ATP8B4: variants seen among roughly 807,000 people sequenced by gnomAD.
ATP8B4 encodes the protein ATPase phospholipid transporting 8B4 (putative), also known as probable phospholipid-transporting ATPase IM.
ATP8B4 carries 133 observed loss-of-function variants against 145.6 expected under a neutral mutation model. That is an observed-to-expected ratio of 0.91 (90% CI 0.79 to 1.05). The LOEUF is 1.05. Among genes scored for constraint, ATP8B4 ranks in the 50% least tolerant of loss-of-function variants. The pLI, the probability that ATP8B4 is intolerant of heterozygous loss-of-function variation, is 0.00. For synonymous variants in ATP8B4, 507 were observed against 492.9 expected (o/e 1.03, Z -0.38); for missense variants, 1,458 against 1,425.2 (o/e 1.02, Z -0.37).
At chr15:50,003,096 A>C (rs2048025911) in intron 7 of ATP8B4, among the ~76,000 whole-genome samples, 1 of 152,066 alleles carries the variant, frequency 6.6e-6, no homozygotes, top group South Asian at 2.1e-4. Flanking sequence ...TAGCCTAACA[A>C]TTTTCTAGCT....
Position 49,921,681 on chromosome 15 carries a change from C to A in ATP8B4, c.1759-1271G>T, listed in dbSNP as rs551317878. 5.1e-4 allele frequency among the ~76,000 whole-genome samples: 77 copies of A among 152,158 alleles called. No homozygotes were observed. The South Asian group carries it at 0.015, about 30-fold the overall frequency. Reference sequence around the variant, plus strand: ...GTACACATAGAGGTTTATAATCAGGCGTAGGTTAAACTGTGAGATACTGTA... The same window carrying A: ...GTACACATAGAGGTTTATAATCAGGAGTAGGTTAAACTGTGAGATACTGTA... On this transcript the variant is annotated intron_variant, in intron 17 of 27. Transcript: ENST00000284509.
intron 2 of ATP8B4, among the ~76,000 whole-genome samples, chr15:50,075,056 T>C (rs753149089): frequency 1.3e-5 from 2 of 152,138 alleles, no homozygotes; most frequent in Non-Finnish European, 2.9e-5. Flanking sequence ...TAAATTCCCT[T>C]AATCCCATAA....
At chr15:50,019,435 A>C (rs1354462717) in intron 6 of ATP8B4, among the ~76,000 whole-genome samples, 1 of 152,216 alleles carries the variant, frequency 6.6e-6, no homozygotes, top group Non-Finnish European at 1.5e-5. Flanking sequence ...CTAACATTTA[A>C]ACACCTGTCT....
rs150270500 is a variant in ATP8B4, at chr15:50,074,127, C to T, written c.87G>A (p.Ala29=). The change falls in exon 3 of 28, where the codon GCG becomes GCA. Residue 29 remains alanine, a splice_region_variant and synonymous_variant. Transcript: ENST00000284509. ...DREYNEKFQY[A]DNRIHTSKYN... ...TATGTGTTATGTGTGTTTCACTTACCGCATACTGGAACTTTTCATTATATT... is the reference window on the plus strand; with the variant it reads ...TATGTGTTATGTGTGTTTCACTTACTGCATACTGGAACTTTTCATTATATT... 4.9e-5 allele frequency: 79 copies of T among 1,611,496 alleles called. 1 individual carries two copies. The highest frequency in any genetic ancestry group is 2.6e-4 in the South Asian group (24 of 90,950).
At chr15:50,069,955 T>C (rs560352493) in intron 3 of ATP8B4, among the ~76,000 whole-genome samples, 164 of 152,348 alleles carry the variant, frequency 1.1e-3, no homozygotes, top group African/African-American at 3.9e-3. Context: ...CTATTATCTG[T>C]GTGACCCTGA....
intron 1 of ATP8B4, among the ~76,000 whole-genome samples, chr15:50,126,870 C>CCG (rs71840634): frequency 0.03 from 4,496 of 152,218 alleles, 216 homozygotes; most frequent in African/African-American, 0.1. Flanking sequence ...CCCCACACCC[C>CCG]CCCGCCACCA....
chr15:49,914,839 G>A (rs1411811668), intron 20 of ATP8B4, among the ~76,000 whole-genome samples: 3 of 152,010 alleles, frequency 2.0e-5, no homozygotes, highest in African/African-American at 7.2e-5. Context: ...GGTAAAGGGA[G>A]CTATTACACT....
chr15:49,860,843 CT>C (rs2031558767), intron 27 of ATP8B4, among the ~76,000 whole-genome samples: 1 of 152,180 alleles, frequency 6.6e-6, no homozygotes, highest in Non-Finnish European at 1.5e-5. Flanking sequence ...TTTTTCCTCT[CT>C]TTTAGAGATT....
rs750797199 is a variant in ATP8B4 at position 49,979,716 on chromosome 15, C to T, written c.935G>A (p.Trp312Ter). 23 of 1,609,538 alleles carry T rather than the reference C, an allele frequency of 1.4e-5. No individual in the cohort carries two copies. In the African/African-American group the frequency reaches 2.4e-4, roughly 17 times the overall value. The change falls in exon 12 of 28, where the codon TGG becomes TAG. Residue 312 changes from tryptophan to a stop codon, truncating the protein, a stop_gained. Transcript: ENST00000284509. LOFTEE classifies it high-confidence loss of function. ...TGDQFRTFLF[W>*]NEGEKSSVFS... ...CACAGAGCTCTTCTCTCCTTCATTC[C>T]AAAAGAGGAAAGTTCTGAATTGGTC...
chr15:49,864,686 T>TA (rs1300969961), intron 26 of ATP8B4, among the ~76,000 whole-genome samples: 4 of 152,338 alleles, frequency 2.6e-5, no homozygotes, highest in Admixed American at 2.6e-4. Context: ...GGTCCTTTGC[T>TA]ACTCATCTGA....
chr15:50,007,847 G>C (rs1446397956), intron 7 of ATP8B4, among the ~76,000 whole-genome samples: 1 of 152,120 alleles, frequency 6.6e-6, no homozygotes, highest in Non-Finnish European at 1.5e-5. Context: ...TTTTGTAGGT[G>C]CTGAGTAGAT....
At chr15:50,118,896 A>T (rs955550284) in intron 1 of ATP8B4, among the ~76,000 whole-genome samples, 1 of 151,282 alleles carries the variant, frequency 6.6e-6, no homozygotes. Context: ...TAGACATTTC[A>T]AACAACAAAA....
chr15:50,034,593 TG>T (rs1388431693), intron 6 of ATP8B4, among the ~76,000 whole-genome samples: 3 of 152,146 alleles, frequency 2.0e-5, no homozygotes, highest in African/African-American at 7.2e-5. Context: ...GGTAAAGACA[TG>T]GCTTCAATTA....
chr15:49,999,554 A>T (rs916577257), intron 8 of ATP8B4, among the ~76,000 whole-genome samples: 4 of 152,088 alleles, frequency 2.6e-5, no homozygotes, highest in Non-Finnish European at 4.4e-5. Context: ...ATGAAATTTA[A>T]AAAAAAGTAT....
chr15:49,946,191 T>C (rs2153482707), intron 14 of ATP8B4, among the ~76,000 whole-genome samples: 1 of 152,128 alleles, frequency 6.6e-6, no homozygotes, highest in African/African-American at 2.4e-5. Flanking sequence ...CAAAAATCAG[T>C]TACATTTCTA....
chr15:50,067,122 C>A (rs1388092559), intron 3 of ATP8B4, among the ~76,000 whole-genome samples: 1 of 152,124 alleles, frequency 6.6e-6, no homozygotes, highest in Non-Finnish European at 1.5e-5. Flanking sequence ...CACTGCTTAA[C>A]AAGCCTCACT....
chr15:49,942,983 C>CA (rs199521123), intron 14 of ATP8B4, among the ~76,000 whole-genome samples: 4 of 151,784 alleles, frequency 2.6e-5, no homozygotes, highest in Admixed American at 1.3e-4. Context: ...GCAAAATTAA[C>CA]AAAATTTTTT....
intron 1 of ATP8B4, among the ~76,000 whole-genome samples, chr15:50,127,844 G>A (rs1398106171): frequency 6.6e-6 from 1 of 152,140 alleles, no homozygotes; most frequent in African/African-American, 2.4e-5. Context: ...AGTAAGGTCT[G>A]TCTTTGAAGA....
In ATP8B4 at chr15:50,073,007, TATATATATATATACACACACAC is replaced by T. The variant is rs1274320467; in HGVS notation, c.87+1098_87+1119del. Among the ~76,000 whole-genome samples, 12 of 55,450 alleles carry T rather than the reference TATATATATATATACACACACAC, an allele frequency of 2.2e-4. 1 individual carries two copies. The highest frequency in any genetic ancestry group is 1.2e-3 in the African/African-American group (12 of 10,338). The allele number at this position is 55,450 out of a possible 152,430, so 36.4% of individuals were successfully genotyped here. Reference sequence around the variant, plus strand: ...ATATATATATATATATATATATATATATATATATATATACACACACACACACACACACACACACACACACACT... The same window carrying T: ...ATATATATATATATATATATATATATACACACACACACACACACACACACT... On this transcript the variant is annotated intron_variant, in intron 3 of 27. Coordinates refer to ENST00000284509, the MANE Select transcript of ATP8B4 (RefSeq NM_024837.4).
Sources: gnomAD v4.1 joint callset for allele counts (sites outside exome capture counted in the v4.1 genomes callset) on GRCh38, gnomAD v4.1.1 for gene constraint, MANE v1.5 for transcripts, NCBI Gene and HGNC (gene_info 2026-07-23, HGNC 2026-07-21) for gene names.